Variants in RNF14 observed in about 807,000 individuals in gnomAD.
RNF14 encodes E3 ubiquitin-protein ligase RNF14.
RNF14 carries 26 observed loss-of-function variants against 52.6 expected under a neutral mutation model. The observed-to-expected ratio is 0.49, with a 90% CI of 0.36 to 0.69. RNF14 has a LOEUF of 0.69. Among genes scored for constraint, RNF14 ranks in the 30% least tolerant of loss-of-function variants. RNF14 has a pLI of 0.00. For missense variants in RNF14, 404 were observed against 560.4 expected (o/e 0.72, Z 2.82); for synonymous variants, 194 against 202.0 (o/e 0.96, Z 0.34).
chr5:141,973,614 A>G lies in RNF14; in HGVS notation c.26A>G (p.Gln9Arg), dbSNP rs1416057532. MSSEDREA[Q>R]EDELLALASI... ...ATGTCGTCAGAAGATCGAGAAGCTC[A>G]GGAGGATGAATTGCTGGCCCTGGCA... The change falls in exon 3 of 9, where the codon CAG (glutamine) becomes CGG (arginine). Residue 9 changes from glutamine to arginine, a missense_variant. Transcript: ENST00000394520. 3.7e-6 allele frequency: 6 copies of G among 1,613,726 alleles called. No homozygotes were observed. Among genetic ancestry groups the G allele is most frequent in the Non-Finnish European group, 4.2e-6 (5 of 1,179,844 alleles).
In RNF14 at chr5:141,984,153, G is replaced by A. The variant is rs180896761; in HGVS notation, c.1236+601G>A. ...GTCTCTCTTGCCCAGGCTGGAGTGC[G>A]GTAGTGCAATCTCAGCTAACTGCAA... On this transcript the variant is annotated intron_variant, in intron 7 of 8. Coordinates refer to ENST00000394520, the MANE Select transcript of RNF14 (RefSeq NM_004290.5). Among the ~76,000 whole-genome samples the A allele has an allele frequency of 1.2e-4, 18 of 149,448 alleles. No individual in the cohort carries two copies. The East Asian group carries it at 1.8e-3, about 15-fold the overall frequency.
upstream of RNF14, among the ~76,000 whole-genome samples, chr5:141,965,765 A>G (rs1753332083): frequency 6.6e-6 from 1 of 152,174 alleles, no homozygotes; most frequent in Non-Finnish European, 1.5e-5. Flanking sequence ...TGATGAGAAC[A>G]CATGGTCACA....
intron 6 of RNF14, among the ~76,000 whole-genome samples, chr5:141,981,318 ATAAT>A (rs775457395): frequency 9.9e-5 from 15 of 152,152 alleles, no homozygotes; most frequent in Non-Finnish European, 2.1e-4. Flanking sequence ...CATTTTTCTA[ATAAT>A]TGATTGTTAG....
upstream of RNF14, among the ~76,000 whole-genome samples, chr5:141,953,943 TCA>T (rs1753132317): frequency 6.6e-6 from 1 of 152,290 alleles, no homozygotes; most frequent in South Asian, 2.1e-4. Flanking sequence ...TATCTGAGGT[TCA>T]CAGAAGCAGA....
At chr5:141,957,234 G>A (rs756789441), upstream of RNF14, 20 of 1,614,158 alleles carry the variant, frequency 1.2e-5, no homozygotes, top group Non-Finnish European at 1.7e-5. The surrounding 1 kb of genome is among the most constrained non-coding windows in gnomAD (Gnocchi z 4.3). Flanking sequence ...AAAATGAATG[G>A]ATTTCCCTGT....
In RNF14 at chr5:141,974,787, C is replaced by G. The variant is rs1353462944; in HGVS notation, c.155-17C>G. 6.2e-7 allele frequency: 1 copy of G among 1,613,204 alleles called. No homozygotes were observed. ...TGTTGACCAACTGATCCTTTCTAAT[C>G]TTTGTTTTTGGTTCAGGCAATTCAA... is the stretch of plus-strand genomic sequence containing the variant. On this transcript the variant is annotated splice_polypyrimidine_tract_variant and intron_variant, in intron 3 of 8. Coordinates refer to ENST00000394520, the MANE Select transcript of RNF14 (RefSeq NM_004290.5).
In RNF14 at chr5:141,984,842, A is replaced by G. The variant is rs1182876846; in HGVS notation, c.1276A>G (p.Met426Val). ...TAACAAGATGACATGTACTGGCTGT[A>G]TGCAATATTTCTGTTGGATTTGCAT... ...GCNKMTCTGC[M>V]QYFCWICMGS... Residue 426 changes from methionine (M) to valine (V), a missense_variant, in exon 8 of 9, where the codon ATG (methionine) becomes GTG (valine). By Grantham distance (21) the Met-to-Val change is conservative. Coordinates refer to ENST00000394520, the MANE Select transcript of RNF14 (RefSeq NM_004290.5). 8 of 1,613,602 alleles carry G rather than the reference A, an allele frequency of 5.0e-6. No individual in the cohort carries two copies. The highest frequency in any genetic ancestry group is 4.2e-6 in the Non-Finnish European group (5 of 1,179,536).
upstream of RNF14, chr5:141,957,016 A>T (rs142624712): frequency 1.2e-6 from 2 of 1,613,948 alleles, no homozygotes; most frequent in Non-Finnish European, 1.7e-6. This position sits in a 1 kb window ranked among gnomAD's most constrained non-coding sequence, Gnocchi z 4.3. Context: ...GAAGAACTCC[A>T]CCTCCCCATT....
upstream of RNF14, among the ~76,000 whole-genome samples, chr5:141,968,435 A>G (rs372491985): frequency 6.6e-6 from 1 of 152,118 alleles, no homozygotes; most frequent in East Asian, 1.9e-4. Context: ...TAGTTCTTAC[A>G]TTTAGGTCGT....
intron 2 of RNF14, among the ~76,000 whole-genome samples, chr5:141,973,225 C>A (rs920020694): frequency 6.8e-6 from 1 of 148,040 alleles, no homozygotes; most frequent in African/African-American, 2.5e-5. Flanking sequence ...TTTTCCACCT[C>A]TGTGCATTTT....
At chr5:141,960,055 C>A (rs1343125956) in intron 1 of RNF14, among the ~76,000 whole-genome samples, 2 of 152,178 alleles carry the variant, frequency 1.3e-5, no homozygotes, top group Non-Finnish European at 2.9e-5. Context: ...TTTTCTTTGC[C>A]TCTTTGGCAG....
intron 3 of RNF14, among the ~76,000 whole-genome samples, chr5:141,974,123 T>C (rs144179546): frequency 2.0e-5 from 3 of 152,350 alleles, no homozygotes; most frequent in African/African-American, 7.2e-5. Flanking sequence ...TCATTTCAAC[T>C]ACTATAAACA....
chr5:141,956,998 T>C, upstream of RNF14: 1 of 1,614,196 alleles, frequency 6.2e-7, no homozygotes, highest in Non-Finnish European at 8.5e-7. Context: ...AGGCATGTGC[T>C]TACTGAGGAA....
the RNF14 span, chr5:141,949,539 C>T: frequency 6.2e-7 from 1 of 1,614,190 alleles, no homozygotes; most frequent in Non-Finnish European, 8.5e-7. Context: ...GTCTGTCTGG[C>T]CTCCAGCCCT....
chr5:141,985,997 A>AT (rs2127060650), intron 8 of RNF14, among the ~76,000 whole-genome samples: 1 of 152,288 alleles, frequency 6.6e-6, no homozygotes, highest in South Asian at 2.1e-4. Context: ...GCTTGATTCG[A>AT]TTTAGAATAA....
At chr5:141,967,818 TA>T (rs1477779164), upstream of RNF14, among the ~76,000 whole-genome samples, 2 of 152,248 alleles carry the variant, frequency 1.3e-5, no homozygotes, top group Non-Finnish European at 2.9e-5. Flanking sequence ...GCTTTGTACC[TA>T]AAAAAATTTT....
At chr5:141,959,235 C>T (rs1485822441) in intron 1 of RNF14, among the ~76,000 whole-genome samples, 1 of 152,190 alleles carries the variant, frequency 6.6e-6, no homozygotes, top group Non-Finnish European at 1.5e-5. Flanking sequence ...CAATTCTTCT[C>T]TCCCCAGTTT....
intron 2 of RNF14, among the ~76,000 whole-genome samples, chr5:141,972,897 C>T (rs895178597): frequency 2.0e-5 from 3 of 151,864 alleles, no homozygotes; most frequent in African/African-American, 4.8e-5. Flanking sequence ...GGCAAATTAA[C>T]TTAAGAAAGG....
Position 141,978,367 on chromosome 5 carries a change from T to C in RNF14, c.371T>C (p.Phe124Ser). 1 of 1,614,108 alleles carries C rather than the reference T, an allele frequency of 6.2e-7. No homozygotes were observed. The highest frequency in any genetic ancestry group is 8.5e-7 in the Non-Finnish European group (1 of 1,179,948). Residue 124 changes from phenylalanine (F) to serine (S), a missense_variant, in exon 5 of 9, where the codon TTT becomes TCT. By Grantham distance (155) the Phe-to-Ser change is radical (BLOSUM62 -2). Coordinates refer to ENST00000394520, the MANE Select transcript of RNF14 (RefSeq NM_004290.5). ...WEEHRGSVVL[F>S]AWMQFLKEET... Reference sequence around the variant, plus strand: ...GAACACCGTGGCAGCGTGGTCCTGTTTGCCTGGATGCAATTTCTTAAGGAA... The same window carrying C: ...GAACACCGTGGCAGCGTGGTCCTGTCTGCCTGGATGCAATTTCTTAAGGAA...
Sources: gnomAD v4.1 joint callset for allele counts (sites outside exome capture counted in the v4.1 genomes callset) on GRCh38, gnomAD v4.1.1 for gene constraint, Gnocchi (gnomAD v3.1) non-coding constraint, MANE v1.5 for transcripts, NCBI Gene and HGNC (gene_info 2026-07-23, HGNC 2026-07-21) for gene names.